PCBP3: variants seen among roughly 807,000 people sequenced by gnomAD.
PCBP3 encodes poly(rC) binding protein 3, also known as poly(rC)-binding protein 3.
A neutral mutation model predicts 52.7 loss-of-function variants in PCBP3; 25 were observed. The observed-to-expected ratio is 0.47, with a 90% CI of 0.35 to 0.66. The LOEUF is 0.66. PCBP3 is among the 30% of genes least tolerant of loss of function. The probability of loss-of-function intolerance (pLI) is 0.01; values close to 1 mark genes in which losing one functional copy is unlikely to be tolerated. For synonymous variants in PCBP3, 162 were observed against 183.0 expected, an observed-to-expected ratio of 0.89 and a Z score of 0.93; for missense variants, 391 against 490.3, an observed-to-expected ratio of 0.80 and a Z score of 1.91.
At chr21:45,931,317 TGAA>T (rs992306260) in intron 15 of PCBP3, among the ~76,000 whole-genome samples, 1 of 152,218 alleles carries the variant, frequency 6.6e-6, no homozygotes, top group African/African-American at 2.4e-5. Flanking sequence ...TAGGTGCCCG[TGAA>T]GAAGATGCCA....
At chr21:45,876,142 A>AG (rs2095251777) in intron 5 of PCBP3, among the ~76,000 whole-genome samples, 1 of 152,222 alleles carries the variant, frequency 6.6e-6, no homozygotes, top group African/African-American at 2.4e-5. Flanking sequence ...TGGAGCGGTC[A>AG]GGGGCCAGAA....
chr21:45,876,884 G>A (rs1056216983), intron 5 of PCBP3, among the ~76,000 whole-genome samples: 38 of 152,196 alleles, frequency 2.5e-4, no homozygotes, highest in African/African-American at 7.7e-4. Context: ...CTGCGACAGC[G>A]CTCGCTGCGG....
At chr21:45,739,216 C>T (rs2086173111) in intron 3 of PCBP3, among the ~76,000 whole-genome samples, 1 of 119,542 alleles carries the variant, frequency 8.4e-6, no homozygotes, top group Non-Finnish European at 1.7e-5. Context: ...CCATTGTCCT[C>T]TGGGTGGCAC....
intron 4 of PCBP3, among the ~76,000 whole-genome samples, chr21:45,816,479 TC>T: frequency 8.1e-5 from 1 of 12,318 alleles, no homozygotes; most frequent in African/African-American, 3.5e-4. Flanking sequence ...CTCTCCCTCC[TC>T]CCCCTCCTCC....
At chr21:45,647,545 C>A (rs1382692957) in intron 1 of PCBP3, among the ~76,000 whole-genome samples, 1 of 152,068 alleles carries the variant, frequency 6.6e-6, no homozygotes, top group Non-Finnish European at 1.5e-5. Context: ...TGGGCTGGAC[C>A]CTAGGGCATG....
rs370093704 is a variant in PCBP3 at position 45,850,108 on chromosome 21, C to T, written c.10+13C>T. 9.0e-6 allele frequency: 14 copies of T among 1,548,182 alleles called. No individual in the cohort carries two copies. Among genetic ancestry groups the T allele is most frequent in the Non-Finnish European group, 1.2e-5 (14 of 1,143,888 alleles). Reference sequence around the variant, plus strand: ...CTTATGGGGGAAGGTGAGTTACTGTCTTTTGTTTCCATGTTTGTTTGTTTA... The same window carrying T: ...CTTATGGGGGAAGGTGAGTTACTGTTTTTTGTTTCCATGTTTGTTTGTTTA... On this transcript the variant is annotated intron_variant, in intron 5 of 17. Coordinates refer to ENST00000681687, the MANE Select transcript of PCBP3 (RefSeq NM_001384156.1).
At chr21:45,895,451 T>C (rs1458460940) in intron 5 of PCBP3, among the ~76,000 whole-genome samples, 2 of 152,260 alleles carry the variant, frequency 1.3e-5, no homozygotes, top group East Asian at 1.9e-4. Flanking sequence ...GCCCAGTACC[T>C]CGGAGCAGGG....
At chr21:45,798,038 A>G (rs2092079141) in intron 4 of PCBP3, among the ~76,000 whole-genome samples, 1 of 142,544 alleles carries the variant, frequency 7.0e-6, no homozygotes, top group Non-Finnish European at 1.5e-5. Flanking sequence ...GGATGAATGC[A>G]TGGATCCGTA....
intron 5 of PCBP3, among the ~76,000 whole-genome samples, chr21:45,883,257 A>G (rs2095443019): frequency 6.6e-6 from 1 of 152,226 alleles, no homozygotes; most frequent in African/African-American, 2.4e-5. Flanking sequence ...CAGAGAACAT[A>G]CACTACGGTT....
chr21:45,729,854 C>T (rs1004778138), intron 2 of PCBP3, among the ~76,000 whole-genome samples: 4 of 152,034 alleles, frequency 2.6e-5, no homozygotes, highest in Admixed American at 6.6e-5. Flanking sequence ...TCTTGGCTCA[C>T]GTGATCTTCC....
At chr21:45,716,746 A>G (rs1401292047) in intron 2 of PCBP3, among the ~76,000 whole-genome samples, 1 of 152,148 alleles carries the variant, frequency 6.6e-6, no homozygotes, top group African/African-American at 2.4e-5. Context: ...CCCATATGAC[A>G]ATGTATTGAG....
intron 13 of PCBP3, among the ~76,000 whole-genome samples, chr21:45,925,731 C>G (rs395418): frequency 0.62 from 94,472 of 152,126 alleles, 30,064 homozygotes; most frequent in Middle Eastern, 0.67. Context: ...AAAAACTTTA[C>G]TCATTACATG....
intron 4 of PCBP3, among the ~76,000 whole-genome samples, chr21:45,784,397 GCTA>G (rs1569217894): frequency 2.7e-3 from 191 of 70,430 alleles, no homozygotes; most frequent in Middle Eastern, 0.017. Flanking sequence ...TACCTCTACC[GCTA>G]CCTCTACCGC....
intron 4 of PCBP3, among the ~76,000 whole-genome samples, chr21:45,815,476 G>A (rs1171249593): frequency 8.6e-6 from 1 of 116,520 alleles, no homozygotes; most frequent in African/African-American, 3.3e-5. Flanking sequence ...AGTGATGAGT[G>A]ATGGGTGAGT....
At chr21:45,698,238 A>G (rs2082905455) in intron 2 of PCBP3, among the ~76,000 whole-genome samples, 1 of 151,988 alleles carries the variant, frequency 6.6e-6, no homozygotes, top group South Asian at 2.1e-4. Context: ...CCCTTCTCCA[A>G]AGTGCCCACC....
chr21:45,771,578 A>G (rs2089867950), intron 4 of PCBP3, among the ~76,000 whole-genome samples: 1 of 152,256 alleles, frequency 6.6e-6, no homozygotes, highest in South Asian at 2.1e-4. Context: ...TTTCAGATAC[A>G]AACGTTCAAG....
At chr21:45,652,452 T>G (rs890071095) in intron 1 of PCBP3, among the ~76,000 whole-genome samples, 2 of 151,670 alleles carry the variant, frequency 1.3e-5, no homozygotes, top group African/African-American at 4.8e-5. Flanking sequence ...CTTTTTTTTT[T>G]TTTTTTGAGA....
At chr21:45,815,972 A>ATGAGTGGTGAG (rs2092930047) in intron 4 of PCBP3, among the ~76,000 whole-genome samples, 3 of 39,338 alleles carry the variant, frequency 7.6e-5, no homozygotes, top group Admixed American at 2.6e-4. Context: ...GTAGTGAGTG[A>ATGAGTGGTGAG]TGAGTGGTGA....
rs1167497910 is a variant in PCBP3 at position 45,923,855 on chromosome 21, T to C, written c.718-6062T>C. On this transcript the variant is annotated intron_variant, in intron 13 of 17. Coordinates refer to ENST00000681687, the MANE Select transcript of PCBP3 (RefSeq NM_001384156.1). ...CGAACACCGGGAACAGTCGAGTGGG[T>C]AGAAACAGCACACGTAAGATCGGGT... Among the ~76,000 whole-genome samples the C allele has an allele frequency of 5.5e-5, 7 of 128,426 alleles. 1 individual carries two copies. The highest frequency in any genetic ancestry group is 1.8e-4 in the African/African-American group (6 of 32,440). The allele number at this position is 128,426 out of a possible 152,430, so 84.3% of individuals were successfully genotyped here.
Sources: gnomAD v4.1 joint callset for allele counts (sites outside exome capture counted in the v4.1 genomes callset) on GRCh38, gnomAD v4.1.1 for gene constraint, MANE v1.5 for transcripts, NCBI Gene and HGNC (gene_info 2026-07-23, HGNC 2026-07-21) for gene names.